CTNNA3: variants seen among roughly 807,000 people sequenced by gnomAD.
CTNNA3 encodes the protein catenin alpha-3.
CTNNA3 carries 76 observed loss-of-function variants against 95.7 expected under a neutral mutation model. The observed-to-expected ratio is 0.79, with a 90% confidence interval of 0.66 to 0.96. The LOEUF (loss-of-function observed/expected upper bound fraction) is 0.96. Ranked by LOEUF, CTNNA3 falls within the 40% of genes least tolerant of loss-of-function variation. The pLI is 0.00. For synonymous variants in CTNNA3, 431 were observed against 374.4 expected (o/e 1.15, Z -1.74); for missense variants, 1,191 against 1,089.8 (o/e 1.09, Z -1.31).
intron 12 of CTNNA3, among the ~76,000 whole-genome samples, chr10:66,315,135 T>C (rs910503400): frequency 1.3e-5 from 2 of 152,092 alleles, no homozygotes; most frequent in African/African-American, 2.4e-5. Context: ...ATTGCTCCTT[T>C]TTTTTTCTCT....
chr10:66,356,036 C>T (rs1440539866), intron 12 of CTNNA3, among the ~76,000 whole-genome samples: 2 of 149,378 alleles, frequency 1.3e-5, no homozygotes, highest in East Asian at 2.0e-4. Context: ...TACTCTTTTG[C>T]AAATATCACT....
At chr10:66,698,517 T>C (rs892117585) in intron 9 of CTNNA3, among the ~76,000 whole-genome samples, 4 of 152,186 alleles carry the variant, frequency 2.6e-5, no homozygotes, top group Non-Finnish European at 5.9e-5. Flanking sequence ...TTTCATATGG[T>C]TGTGGAGTGG....
chr10:66,090,145 T>C (rs1398940428), intron 14 of CTNNA3, among the ~76,000 whole-genome samples: 2 of 151,906 alleles, frequency 1.3e-5, no homozygotes, highest in Non-Finnish European at 2.9e-5. Context: ...TGGACCAGGG[T>C]AGGCATGTGG....
chr10:65,989,299 T>C (rs2078490899), intron 15 of CTNNA3, among the ~76,000 whole-genome samples: 1 of 152,138 alleles, frequency 6.6e-6, no homozygotes, highest in Non-Finnish European at 1.5e-5. Flanking sequence ...GTATTATTAT[T>C]ATTATTTTTT....
At chr10:66,316,931 C>T (rs962757351) in intron 12 of CTNNA3, among the ~76,000 whole-genome samples, 6 of 151,926 alleles carry the variant, frequency 3.9e-5, no homozygotes, top group Admixed American at 6.6e-5. Flanking sequence ...TTAGACAAAA[C>T]GTTTACTTAA....
intron 15 of CTNNA3, among the ~76,000 whole-genome samples, chr10:66,066,887 T>G (rs955840554): frequency 1.3e-5 from 2 of 152,168 alleles, no homozygotes; most frequent in African/African-American, 4.8e-5. Context: ...TTTAAAAAAC[T>G]TGACTTTATT....
At chr10:67,420,621 G>A (rs933924144) in intron 5 of CTNNA3, among the ~76,000 whole-genome samples, 1 of 152,156 alleles carries the variant, frequency 6.6e-6, no homozygotes, top group Admixed American at 6.5e-5. Context: ...TACTACATGA[G>A]TTAGCTCACA....
At chr10:66,763,354 G>GAGAGAGAGAGGGA (rs1554848287) in intron 9 of CTNNA3, among the ~76,000 whole-genome samples, 32 of 45,550 alleles carry the variant, frequency 7.0e-4, no homozygotes, top group African/African-American at 2.4e-3. Flanking sequence ...AGAGAGAGAG[G>GAGAGAGAGAGGGA]GAGAGAGAGA....
chr10:67,602,580 T>C lies in CTNNA3; in HGVS notation c.292+4277A>G, dbSNP rs112058861. 5.7e-3 allele frequency among the ~76,000 whole-genome samples: 869 copies of C among 152,332 alleles called. 12 individuals are homozygous for C. Among genetic ancestry groups the C allele is most frequent in the African/African-American group, 0.02 (821 of 41,584 alleles). On this transcript the variant is annotated intron_variant, in intron 3 of 17. Coordinates refer to ENST00000433211, the MANE Select transcript of CTNNA3 (RefSeq NM_013266.4). ...CATTATAATAGAACACAGTGAAGGA[T>C]ATACCCTGTACAGCATAATCCTAGA...
intron 7 of CTNNA3, among the ~76,000 whole-genome samples, chr10:67,161,931 A>AG (rs1305284639): frequency 6.6e-6 from 1 of 152,140 alleles, no homozygotes; most frequent in African/African-American, 2.4e-5. Context: ...CTCAGGAGAG[A>AG]GGGAGACATT....
At chr10:66,165,185 T>G (rs750979323) in intron 13 of CTNNA3, among the ~76,000 whole-genome samples, 2 of 152,122 alleles carry the variant, frequency 1.3e-5, no homozygotes. Flanking sequence ...AAATATCACA[T>G]GTTGTCACTT....
intron 17 of CTNNA3, among the ~76,000 whole-genome samples, chr10:65,943,157 G>A (rs1221093754): frequency 1.3e-5 from 2 of 150,926 alleles, no homozygotes; most frequent in Non-Finnish European, 2.9e-5. Context: ...TCCGCCTCCT[G>A]GGCTCACGCC....
At chr10:66,685,195 A>G (rs923464132) in intron 9 of CTNNA3, among the ~76,000 whole-genome samples, 77 of 52,720 alleles carry the variant, frequency 1.5e-3, no homozygotes, top group Non-Finnish European at 2.3e-3. Flanking sequence ...ATATACGTGT[A>G]TATATATATA....
intron 13 of CTNNA3, among the ~76,000 whole-genome samples, chr10:66,118,947 G>A (rs2082454702): frequency 6.6e-6 from 1 of 152,074 alleles, no homozygotes; most frequent in African/African-American, 2.4e-5. Flanking sequence ...GTCTCCCTAT[G>A]TTGCTCAGGC....
At chr10:66,365,293 C>G (rs558876483) in intron 12 of CTNNA3, among the ~76,000 whole-genome samples, 1 of 151,982 alleles carries the variant, frequency 6.6e-6, no homozygotes, top group Non-Finnish European at 1.5e-5. Flanking sequence ...GATGAGAAAA[C>G]CAAACACTGC....
intron 3 of CTNNA3, among the ~76,000 whole-genome samples, chr10:67,569,639 C>T (rs966100582): frequency 2.6e-5 from 4 of 152,078 alleles, no homozygotes; most frequent in Non-Finnish European, 5.9e-5. Flanking sequence ...GCAAAGGTAA[C>T]AGAGTGACCT....
At chr10:66,983,516 T>C (rs1272245608) in intron 7 of CTNNA3, among the ~76,000 whole-genome samples, 1 of 152,112 alleles carries the variant, frequency 6.6e-6, no homozygotes, top group Non-Finnish European at 1.5e-5. Flanking sequence ...TGGTTCTTAA[T>C]AGGTAGCCAC....
At chr10:67,326,127 T>C (rs953406256) in intron 5 of CTNNA3, among the ~76,000 whole-genome samples, 30 of 152,214 alleles carry the variant, frequency 2.0e-4, no homozygotes, top group African/African-American at 7.0e-4. Context: ...TGTCTCTGCA[T>C]GTGAGATGGG....
At chr10:66,145,363 T>A (rs1208579257) in intron 13 of CTNNA3, among the ~76,000 whole-genome samples, 1 of 152,064 alleles carries the variant, frequency 6.6e-6, no homozygotes, top group African/African-American at 2.4e-5. Context: ...AGCCTACAGA[T>A]ATGGAAGTAG....
Sources: gnomAD v4.1 joint callset for allele counts (sites outside exome capture counted in the v4.1 genomes callset) on GRCh38, gnomAD v4.1.1 for gene constraint, MANE v1.5 for transcripts, NCBI Gene and HGNC (gene_info 2026-07-23, HGNC 2026-07-21) for gene names.